The following HTR4 variants were observed in gnomAD, a reference collection of about 807,000 sequenced individuals.
HTR4 encodes 5-hydroxytryptamine (serotonin) receptor 4, G protein-coupled.
In HTR4, 16 loss-of-function variants were observed where a neutral mutation model predicts 36.8. That is an observed-to-expected ratio of 0.43 (90% CI 0.29 to 0.66). The LOEUF (loss-of-function observed/expected upper bound fraction) is 0.66, where lower values mean the gene tolerates loss of function less well. Among genes scored for constraint, HTR4 ranks in the 30% least tolerant of loss-of-function variants. The pLI is 0.13. For missense variants in HTR4, 438 were observed against 490.9 expected (o/e 0.89, Z 1.02); for synonymous variants, 189 against 185.1 (o/e 1.02, Z -0.17).
At chr5:148,604,892 A>AT (rs896511356) in intron 2 of HTR4, among the ~76,000 whole-genome samples, 24 of 152,244 alleles carry the variant, frequency 1.6e-4, no homozygotes, top group African/African-American at 4.6e-4. Flanking sequence ...CAATAAAAAC[A>AT]TTTTTTTCAC....
At position 148,623,779 on chromosome 5, in the gene HTR4, C is replaced by T. The variant is rs148081168; in HGVS notation, c.26+13210G>A. 5.9e-3 allele frequency among the ~76,000 whole-genome samples: 899 copies of T among 152,238 alleles called. 8 individuals carry two copies. The highest frequency in any genetic ancestry group is 0.021 in the African/African-American group (863 of 41,538). Reference sequence around the variant, plus strand: ...AACGTTCTAGGTCCTCAGCTGATGTCAGTCACCTCTGAGGATGGCAAAAAT... The same window carrying T: ...AACGTTCTAGGTCCTCAGCTGATGTTAGTCACCTCTGAGGATGGCAAAAAT... On this transcript the variant is annotated intron_variant, in intron 2 of 6. Coordinates refer to ENST00000377888, the MANE Select transcript of HTR4 (RefSeq NM_000870.7).
chr5:148,523,350 G>C lies in HTR4; in HGVS notation c.354-4C>G, dbSNP rs986699119. The stretch of plus-strand genomic sequence containing the variant: ...CTGGCAGCAGATGGCGTAATACCTG[G>C]AGAGAGAATAGAGGGCAGAGCATAG... On this transcript the variant is annotated splice_polypyrimidine_tract_variant and splice_region_variant and intron_variant, in intron 4 of 6. Coordinates refer to ENST00000377888, the MANE Select transcript of HTR4 (RefSeq NM_000870.7). The C allele has an allele frequency of 1.2e-6, 2 of 1,605,480 alleles. No individual in the cohort carries two copies. Among genetic ancestry groups the C allele is most frequent in the Non-Finnish European group, 1.7e-6 (2 of 1,176,722 alleles).
downstream of HTR4, among the ~76,000 whole-genome samples, chr5:148,480,641 T>C (rs1755849088): frequency 6.6e-6 from 1 of 152,218 alleles, no homozygotes; most frequent in Admixed American, 6.5e-5. Flanking sequence ...CCCAAAGTGC[T>C]GGGAATACAG....
At chr5:148,501,855 C>T (rs184372699) in intron 6 of HTR4, among the ~76,000 whole-genome samples, 19 of 152,028 alleles carry the variant, frequency 1.2e-4, no homozygotes, top group Non-Finnish European at 1.6e-4. Context: ...GTCAGGAGAT[C>T]GAGACCATCC....
At chr5:148,554,985 C>G (rs1048825226) in intron 2 of HTR4, among the ~76,000 whole-genome samples, 1 of 152,036 alleles carries the variant, frequency 6.6e-6, no homozygotes, top group Non-Finnish European at 1.5e-5. Flanking sequence ...TGACCTCATT[C>G]TCTTTTGGGG....
At chr5:148,528,398 C>G (rs1182225769) in intron 4 of HTR4, among the ~76,000 whole-genome samples, 1 of 152,026 alleles carries the variant, frequency 6.6e-6, no homozygotes, top group East Asian at 1.9e-4. Flanking sequence ...AGATTCACAC[C>G]AAGACCTGGC....
intron 2 of HTR4, among the ~76,000 whole-genome samples, chr5:148,571,497 G>A (rs1375930907): frequency 6.6e-6 from 1 of 151,978 alleles, no homozygotes; most frequent in Non-Finnish European, 1.5e-5. Flanking sequence ...ATTGATAATT[G>A]TTCATTGTGT....
At chr5:148,517,388 A>G (rs145720611) in intron 5 of HTR4, among the ~76,000 whole-genome samples, 153 of 151,400 alleles carry the variant, frequency 1.0e-3, no homozygotes, top group African/African-American at 3.6e-3. Flanking sequence ...TTTCTTTCTG[A>G]TCGGGACCTC....
chr5:148,526,811 G>A (rs1390334584), intron 4 of HTR4, among the ~76,000 whole-genome samples: 1 of 152,064 alleles, frequency 6.6e-6, no homozygotes, highest in African/African-American at 2.4e-5. Context: ...CTCATGTGAG[G>A]GAGCTAAGAA....
chr5:148,514,670 C>T (rs1757651654), intron 5 of HTR4, among the ~76,000 whole-genome samples: 1 of 152,134 alleles, frequency 6.6e-6, no homozygotes, highest in African/African-American at 2.4e-5. Context: ...ATGATATACT[C>T]ACAAACATGC....
intron 4 of HTR4, among the ~76,000 whole-genome samples, chr5:148,534,664 G>A (rs561629805): frequency 3.1e-4 from 47 of 152,192 alleles, no homozygotes; most frequent in Non-Finnish European, 5.1e-4. Context: ...AAGGAGAGGA[G>A]GCCAGACCAT....
At chr5:148,641,839 T>C (rs1000472593) in intron 1 of HTR4, among the ~76,000 whole-genome samples, 1 of 152,200 alleles carries the variant, frequency 6.6e-6, no homozygotes, top group African/African-American at 2.4e-5. Flanking sequence ...AATATTGCTG[T>C]GGAACAGTCA....
At chr5:148,506,021 T>C (rs1757185223) in intron 6 of HTR4, among the ~76,000 whole-genome samples, 1 of 152,122 alleles carries the variant, frequency 6.6e-6, no homozygotes, top group Non-Finnish European at 1.5e-5. Context: ...TGGAAAAAAC[T>C]ACTTTAAAAT....
rs1753213665 is a variant in HTR4, at chr5:148,628,791, G to A, written c.26+8198C>T. On this transcript the variant is annotated intron_variant, in intron 2 of 6. Coordinates refer to ENST00000377888, the MANE Select transcript of HTR4 (RefSeq NM_000870.7). The stretch of plus-strand genomic sequence containing the variant: ...TAGGCAAGGCTCCAAATTATAGAAA[G>A]GAGCTTCTAAGAAATTGTAAATAAT... 2.0e-5 allele frequency: 3 copies of A among 152,268 alleles called. No individual in the cohort carries two copies. In the South Asian group the frequency reaches 6.2e-4, roughly 32 times the overall value. The allele number at this position is 152,268 out of a possible 1,614,324, so 9.4% of individuals were successfully genotyped here. A position where few individuals can be genotyped will look rare whatever the true frequency, so the allele number is the denominator to read the frequency against.
At chr5:148,517,836 T>C (rs1176081818) in intron 5 of HTR4, among the ~76,000 whole-genome samples, 1 of 152,182 alleles carries the variant, frequency 6.6e-6, no homozygotes, top group East Asian at 1.9e-4. Context: ...TGTTACTCAT[T>C]TGCTCAATAC....
chr5:148,459,087 G>A (rs1338610090), intron 5 of HTR4, among the ~76,000 whole-genome samples: 1 of 152,166 alleles, frequency 6.6e-6, no homozygotes, highest in Non-Finnish European at 1.5e-5. Context: ...TCAGGATATA[G>A]CTTCAAGGTA....
intron 2 of HTR4, among the ~76,000 whole-genome samples, chr5:148,635,918 T>C (rs1272990499): frequency 1.3e-5 from 2 of 152,192 alleles, no homozygotes; most frequent in Admixed American, 1.3e-4. Context: ...ATTGAGAGTG[T>C]AAAATGTTTT....
At chr5:148,516,318 T>C (rs1757749398) in intron 5 of HTR4, among the ~76,000 whole-genome samples, 1 of 137,832 alleles carries the variant, frequency 7.3e-6, no homozygotes, top group East Asian at 2.1e-4. Context: ...CCCTCTTTTT[T>C]TTTTTTTTTT....
intron 2 of HTR4, among the ~76,000 whole-genome samples, chr5:148,561,418 A>C (rs1760201204): frequency 6.6e-6 from 1 of 152,206 alleles, no homozygotes; most frequent in African/African-American, 2.4e-5. Flanking sequence ...ACAGCATGTT[A>C]ATCATTAAGG....
Sources: allele counts gnomAD v4.1 joint callset (sites outside exome capture counted in the v4.1 genomes callset), GRCh38; gene constraint gnomAD v4.1.1; transcripts MANE v1.5; gene names NCBI Gene and HGNC (gene_info 2026-07-23, HGNC 2026-07-21).